The following MOCS3 variants were observed in gnomAD, a reference collection of about 807,000 sequenced individuals.
The protein encoded by MOCS3 is adenylyltransferase and sulfurtransferase MOCS3.
Under a neutral mutation model 8.4 loss-of-function variants are expected in MOCS3, and 9 were observed. The observed-to-expected ratio is 1.07, with a 90% confidence interval of 0.65 to 1.87. MOCS3 has a LOEUF of 1.87. Among genes scored for constraint, MOCS3 ranks in the 40% most tolerant of loss-of-function variants. The pLI, the probability that MOCS3 is intolerant of heterozygous loss-of-function variation, is 0.00. For synonymous variants in MOCS3, 294 were observed against 272.0 expected, an observed-to-expected ratio of 1.08 and a Z score of -0.80; for missense variants, 581 against 599.7, an observed-to-expected ratio of 0.97 and a Z score of 0.33.
In MOCS3 at chr20:50,958,896, G is replaced by A. The variant is rs1421205759; in HGVS notation, c.54G>A (p.Glu18=). The A allele has an allele frequency of 6.9e-6, 11 of 1,604,510 alleles. No individual in the cohort carries two copies. The highest frequency in any genetic ancestry group is 9.4e-6 in the Non-Finnish European group (11 of 1,172,768). ...TACAAGCTGAAGTTGCCCAACGTGA[G>A]GAGGAATTGAATTCGCTGAAGCAGA... ...LALQAEVAQR[E]EELNSLKQKL... The change falls in exon 1 of 1, where the codon GAG becomes GAA. Residue 18 remains glutamate, a synonymous_variant. Coordinates refer to ENST00000244051, the MANE Select transcript of MOCS3 (RefSeq NM_014484.5).
rs1418169149 is a variant in MOCS3 at position 50,959,691 on chromosome 20, G to T, written c.849G>T (p.Gly283=). ...TGTTGCTCTTTGATGCCCTGAGAGG[G>T]CATTTCCGCTCTATTCGGCTGCGGA... ...GSLLLFDALR[G]HFRSIRLRSR... Residue 283 remains glycine (G), a synonymous_variant, in exon 1 of 1, where the codon GGG becomes GGT. Coordinates refer to ENST00000244051, the MANE Select transcript of MOCS3 (RefSeq NM_014484.5). 5 of 1,614,234 alleles carry T rather than the reference G, an allele frequency of 3.1e-6. No homozygotes were observed. In the South Asian group the frequency reaches 5.5e-5, roughly 18 times the overall value.
chr20:50,963,810 A>C lies in MOCS3; in HGVS notation c.*3585A>C, dbSNP rs1987146307. ...ATTCCCTAAGTGTCATGCTATACTG[A>C]CTCTAAGCAAAACTTTGCCATTGCT... On this transcript the variant is annotated 3_prime_UTR_variant, in exon 1 of 1. Transcript: ENST00000244051. The C allele has an allele frequency of 1.3e-5, 2 of 152,160 alleles. No individual in the cohort carries two copies. Among genetic ancestry groups the C allele is most frequent in the African/African-American group, 2.4e-5 (1 of 41,432 alleles). 9.4% of individuals were successfully genotyped at this position (152,160 alleles called of 1,614,324 possible). A position where few individuals can be genotyped will look rare whatever the true frequency, so the allele number is the denominator to read the frequency against.
chr20:50,958,998 G>A lies in MOCS3; in HGVS notation c.156G>A (p.Lys52=). ...RLVPVSPLPP[K]AALSRDEILR... ...TTCCGGTGTCGCCGCTGCCGCCGAA[G>A]GCCGCTCTGTCCCGAGATGAGATTC... The change falls in exon 1 of 1, where the codon AAG becomes AAA. Residue 52 remains lysine, a synonymous_variant. Transcript: ENST00000244051. The A allele has an allele frequency of 6.2e-7, 1 of 1,610,046 alleles. No individual in the cohort carries two copies. The highest frequency in any genetic ancestry group is 1.3e-5 in the African/African-American group (1 of 74,980).
chr20:50,959,754 C>CA lies in MOCS3; in HGVS notation c.913dup (p.Thr305AsnfsTer4). On this transcript the variant is annotated frameshift_variant, in exon 1 of 1. Coordinates refer to ENST00000244051, the MANE Select transcript of MOCS3 (RefSeq NM_014484.5). LOFTEE classifies it low-confidence loss of function (END_TRUNC). ...ACTGTGCAGCTTGCGGGGAACGGCC[C>CA]ACTGTGACTGATCTGCTGGACTATG... The CA allele has an allele frequency of 1.2e-6, 2 of 1,614,256 alleles. No homozygotes were observed. Among genetic ancestry groups the CA allele is most frequent in the Non-Finnish European group, 1.7e-6 (2 of 1,180,038 alleles).
rs143817364 is a variant in MOCS3 at position 50,959,868 on chromosome 20, G to A, written c.1026G>A (p.Lys342=). ...PEERVSVTDY[K]RLLDSGAFHL... ...AGCGTGTTTCTGTCACCGACTATAA[G>A]CGACTGCTGGATTCTGGGGCATTCC... Residue 342 remains lysine, a synonymous_variant, in exon 1 of 1, where the codon AAG becomes AAA. Transcript: ENST00000244051. 2.9e-5 allele frequency: 47 copies of A among 1,614,176 alleles called. No homozygotes were observed. The African/African-American group carries it at 6.1e-4, about 21-fold the overall frequency.
Position 50,960,003 on chromosome 20 carries a change from ACT to A in MOCS3, c.1164_1165del (p.Leu389LysfsTer28). ...AACGCAGGGATGCGGAGAGCCTGAA[ACT>A]CTTAAAAGAAGCAATCTGGGAAGAG... ...LERRDAESLK[L>X]LKEAIWEEKQ... On this transcript the variant is annotated frameshift_variant, in exon 1 of 1. Transcript: ENST00000244051. LOFTEE classifies it high-confidence loss of function. The A allele has an allele frequency of 1.2e-6, 2 of 1,614,202 alleles. No individual in the cohort carries two copies. Among genetic ancestry groups the A allele is most frequent in the African/African-American group, 2.7e-5 (2 of 75,046 alleles).
At position 50,960,510 on chromosome 20, in the gene MOCS3, G is replaced by A. The variant is rs1188440286; in HGVS notation, c.*285G>A. The stretch of plus-strand genomic sequence containing the variant: ...ACAGGATTTTGCATTTTAAACTGCA[G>A]ATCATTTACATGTCCTTATTTTCCA... On this transcript the variant is annotated 3_prime_UTR_variant, in exon 1 of 1. Transcript: ENST00000244051. 3.2e-6 allele frequency: 1 copy of A among 311,886 alleles called. No individual in the cohort carries two copies. The highest frequency in any genetic ancestry group is 6.3e-6 in the Non-Finnish European group (1 of 159,654). 19.3% of individuals were successfully genotyped at this position (311,886 alleles called of 1,614,324 possible).
Position 50,959,217 on chromosome 20 carries a change from A to G in MOCS3, c.375A>G (p.Gln125=), listed in dbSNP as rs766831178. The change falls in exon 1 of 1, where the codon CAA becomes CAG. Residue 125 remains glutamine (Q), a synonymous_variant. Coordinates refer to ENST00000244051, the MANE Select transcript of MOCS3 (RefSeq NM_014484.5). ...TAGAGATGAGCAACCTGGCCCGCCA[A>G]GTGCTGCATGGCGAGGCACTGGCTG... The part of the protein sequence containing the change: ...DVVEMSNLAR[Q]VLHGEALAGQ... The G allele has an allele frequency of 4.3e-6, 7 of 1,611,524 alleles. No homozygotes were observed. The highest frequency in any genetic ancestry group is 1.7e-4 in the Middle Eastern group (1 of 6,044).
Position 50,960,264 on chromosome 20 carries a change from C to A in MOCS3, c.*39C>A, listed in dbSNP as rs753699166. 2.0e-5 allele frequency: 31 copies of A among 1,543,658 alleles called. No individual in the cohort carries two copies. In the South Asian group the frequency reaches 3.7e-4, roughly 18 times the overall value. On this transcript the variant is annotated 3_prime_UTR_variant, in exon 1 of 1. Transcript: ENST00000244051. ...GTCTGATGAGAAAGATGTGGATTGC[C>A]ATAATACCTCAAAGATACACTTGTT...
Position 50,959,405 on chromosome 20 carries a change from T to C in MOCS3, c.563T>C (p.Leu188Pro). ...DCSDNVPTRY[L>P]VNDACVLAGR... ...TCGGACAACGTGCCCACTCGCTACC[T>C]GGTTAATGACGCATGTGTGCTGGCG... The change falls in exon 1 of 1, where the codon CTG (leucine) becomes CCG (proline). Residue 188 changes from leucine to proline, a missense_variant. By Grantham distance (98) the Leu-to-Pro change is moderately conservative. Coordinates refer to ENST00000244051, the MANE Select transcript of MOCS3 (RefSeq NM_014484.5). 6.2e-7 allele frequency: 1 copy of C among 1,613,820 alleles called. No individual in the cohort carries two copies. The highest frequency in any genetic ancestry group is 2.2e-5 in the East Asian group (1 of 44,876).
Position 50,960,171 on chromosome 20 carries a change from G to C in MOCS3, c.1329G>C (p.Val443=), listed in dbSNP as rs142791519. The C allele has an allele frequency of 1.2e-6, 2 of 1,614,168 alleles. No individual in the cohort carries two copies. Among genetic ancestry groups the C allele is most frequent in the Non-Finnish European group, 1.7e-6 (2 of 1,179,992 alleles). The change falls in exon 1 of 1, where the codon GTG becomes GTC. Residue 443 remains valine, a synonymous_variant. Coordinates refer to ENST00000244051, the MANE Select transcript of MOCS3 (RefSeq NM_014484.5). ...ACCCTTTAACAGTTCGGGATGTTGT[G>C]GGGGGCCTCATGGCCTGGGCTGCCA... ...ELDPLTVRDV[V]GGLMAWAAKI... is the part of the protein sequence containing the mutation.
At position 50,963,004 on chromosome 20, in the gene MOCS3, A is replaced by C. The variant is rs548734143; in HGVS notation, c.*2779A>C. 1 of 150,826 alleles carries C rather than the reference A, an allele frequency of 6.6e-6. No individual in the cohort carries two copies. Among genetic ancestry groups the C allele is most frequent in the East Asian group, 2.0e-4 (1 of 5,128 alleles). The allele number at this position is 150,826 out of a possible 1,614,324, so 9.3% of individuals were successfully genotyped here. A position where few individuals can be genotyped will look rare whatever the true frequency, so the allele number is the denominator to read the frequency against. ...GTGATCACAGCTCGCTGTGGCCTCA[A>C]CCTCCTGGGTTCAAGTGATCCTCCC... On this transcript the variant is annotated 3_prime_UTR_variant, in exon 1 of 1. Coordinates refer to ENST00000244051, the MANE Select transcript of MOCS3 (RefSeq NM_014484.5).
At position 50,959,965 on chromosome 20, in the gene MOCS3, C is replaced by CTGA; in HGVS notation, c.1124_1126dup (p.Leu375_Lys376insMet). 1 of 1,614,264 alleles carries CTGA rather than the reference C, an allele frequency of 6.2e-7. No individual in the cohort carries two copies. The highest frequency in any genetic ancestry group is 8.5e-7 in the Non-Finnish European group (1 of 1,180,050). On this transcript the variant is annotated inframe_insertion, in exon 1 of 1. Transcript: ENST00000244051. ...TTTGCCTCATGCCCTACACATCCCT[C>CTGA]TGAAACATTTGGAACGCAGGGATGC...
chr20:50,959,392 C>T lies in MOCS3; in HGVS notation c.550C>T (p.Pro184Ser). Residue 184 changes from proline (P) to serine (S), a missense_variant, in exon 1 of 1, where the codon CCC (proline) becomes TCC (serine). Coordinates refer to ENST00000244051, the MANE Select transcript of MOCS3 (RefSeq NM_014484.5). Reference sequence around the variant, plus strand: ...GGTGGCTGACTGCTCGGACAACGTGCCCACTCGCTACCTGGTTAATGACGC... The same window carrying T: ...GGTGGCTGACTGCTCGGACAACGTGTCCACTCGCTACCTGGTTAATGACGC... ...DVVADCSDNV[P>S]TRYLVNDACV... 2 of 1,613,290 alleles carry T rather than the reference C, an allele frequency of 1.2e-6. No homozygotes were observed. The highest frequency in any genetic ancestry group is 8.5e-7 in the Non-Finnish European group (1 of 1,179,634).
chr20:50,962,243 GC>G lies in MOCS3; in HGVS notation c.*2025del. On this transcript the variant is annotated 3_prime_UTR_variant, in exon 1 of 1. Coordinates refer to ENST00000244051, the MANE Select transcript of MOCS3 (RefSeq NM_014484.5). ...CAGTCTCACCAGTTTCACTTGACGT[GC>G]CCCCCCAACTCTCCCAGAAAGCCCA... 1 of 152,270 alleles carries G rather than the reference GC, an allele frequency of 6.6e-6. No individual in the cohort carries two copies. The highest frequency in any genetic ancestry group is 1.5e-5 in the Non-Finnish European group (1 of 68,112). 9.4% of individuals were successfully genotyped at this position (152,270 alleles called of 1,614,324 possible). A position where few individuals can be genotyped will look rare whatever the true frequency, so the allele number is the denominator to read the frequency against.
chr20:50,958,902 A>G lies in MOCS3; in HGVS notation c.60A>G (p.Glu20=). The G allele has an allele frequency of 6.2e-7, 1 of 1,606,010 alleles. No individual in the cohort carries two copies. Among genetic ancestry groups the G allele is most frequent in the Non-Finnish European group, 8.5e-7 (1 of 1,174,026 alleles). The change falls in exon 1 of 1, where the codon GAA becomes GAG. Residue 20 remains glutamate (E), a synonymous_variant. Transcript: ENST00000244051. The part of the protein sequence containing the change: ...LQAEVAQREE[E]LNSLKQKLAS... ...CTGAAGTTGCCCAACGTGAGGAGGA[A>G]TTGAATTCGCTGAAGCAGAAGCTGG...
rs1987145661 is a variant in MOCS3, at chr20:50,963,741, G to A, written c.*3516G>A. Reference sequence around the variant, plus strand: ...ATAGCTAATATTTTGAGCACTTACTGTGTTATTTGGGATTTGAATCCAGAT... The same window carrying A: ...ATAGCTAATATTTTGAGCACTTACTATGTTATTTGGGATTTGAATCCAGAT... On this transcript the variant is annotated 3_prime_UTR_variant, in exon 1 of 1. Coordinates refer to ENST00000244051, the MANE Select transcript of MOCS3 (RefSeq NM_014484.5). 1.3e-5 allele frequency: 2 copies of A among 152,192 alleles called. No homozygotes were observed. The highest frequency in any genetic ancestry group is 2.9e-5 in the Non-Finnish European group (2 of 68,036). 9.4% of individuals were successfully genotyped at this position (152,192 alleles called of 1,614,324 possible). A position where few individuals can be genotyped will look rare whatever the true frequency, so the allele number is the denominator to read the frequency against.
chr20:50,959,700 C>T lies in MOCS3; in HGVS notation c.858C>T (p.Arg286=). Residue 286 remains arginine (R), a synonymous_variant, in exon 1 of 1, where the codon CGC becomes CGT. Transcript: ENST00000244051. ...LLFDALRGHF[R]SIRLRSRRLD... is the part of the protein sequence containing the mutation. ...TTGATGCCCTGAGAGGGCATTTCCG[C>T]TCTATTCGGCTGCGGAGCCGCAGGC... 1 of 1,614,256 alleles carries T rather than the reference C, an allele frequency of 6.2e-7. No homozygotes were observed.
chr20:50,961,496 T>C lies in MOCS3; in HGVS notation c.*1271T>C, dbSNP rs547365597. On this transcript the variant is annotated 3_prime_UTR_variant, in exon 1 of 1. Coordinates refer to ENST00000244051, the MANE Select transcript of MOCS3 (RefSeq NM_014484.5). ...CTGCATGCAGGCTTATAATCATCAA[T>C]TGCTGCTGTTGTTTTTTTAAGAATG... The C allele has an allele frequency of 1.1e-4, 16 of 152,360 alleles. No homozygotes were observed. Among genetic ancestry groups the C allele is most frequent in the African/African-American group, 3.4e-4 (14 of 41,560 alleles). 9.4% of individuals were successfully genotyped at this position (152,360 alleles called of 1,614,324 possible).
Sources: gnomAD v4.1 joint callset for allele counts on GRCh38, gnomAD v4.1.1 for gene constraint, MANE v1.5 for transcripts, NCBI Gene and HGNC (gene_info 2026-07-23, HGNC 2026-07-21) for gene names.